IQCM: variants seen among roughly 807,000 people sequenced by gnomAD.
IQCM encodes the protein IQ motif containing M.
In IQCM, 45 loss-of-function variants were observed where a neutral mutation model predicts 57.6. The observed-to-expected ratio is 0.78, with a 90% CI of 0.62 to 1.00. The LOEUF (loss-of-function observed/expected upper bound fraction) is 1.00. Ranked by LOEUF, IQCM falls within the 50% of genes least tolerant of loss-of-function variation. The pLI is 0.00. For missense variants in IQCM, 468 were observed against 511.6 expected (o/e 0.91, Z 0.82); for synonymous variants, 148 against 158.9 (o/e 0.93, Z 0.51).
intron 5 of IQCM, among the ~76,000 whole-genome samples, chr4:149,726,203 C>T (rs1765930237): frequency 6.7e-6 from 1 of 148,162 alleles, no homozygotes; most frequent in Non-Finnish European, 1.5e-5. Flanking sequence ...TCACATTTTT[C>T]CAAATTTGAT....
At chr4:149,466,083 T>A (rs1460209760) in intron 12 of IQCM, among the ~76,000 whole-genome samples, 1 of 152,198 alleles carries the variant, frequency 6.6e-6, no homozygotes, top group Non-Finnish European at 1.5e-5. Flanking sequence ...TACATCTTTA[T>A]CACCATAACA....
chr4:149,803,854 T>C (rs1266979591), intron 2 of IQCM, among the ~76,000 whole-genome samples: 2 of 151,978 alleles, frequency 1.3e-5, no homozygotes, highest in Non-Finnish European at 2.9e-5. Context: ...TTTTCTGTTA[T>C]TGTATAAGGG....
At chr4:149,605,303 T>G (rs1158778679) in intron 8 of IQCM, among the ~76,000 whole-genome samples, 2 of 152,180 alleles carry the variant, frequency 1.3e-5, no homozygotes, top group Non-Finnish European at 2.9e-5. Context: ...CATTCAAAAA[T>G]ACACATTTAA....
At chr4:149,474,975 A>C (rs1321073239) in intron 12 of IQCM, among the ~76,000 whole-genome samples, 2 of 152,128 alleles carry the variant, frequency 1.3e-5, no homozygotes, top group Non-Finnish European at 2.9e-5. Context: ...CAGATAATGC[A>C]AGGGTTTAAC....
chr4:149,452,682 A>C (rs967034563), intron 12 of IQCM, among the ~76,000 whole-genome samples: 1 of 151,642 alleles, frequency 6.6e-6, no homozygotes, highest in African/African-American at 2.4e-5. Context: ...CACCATCATC[A>C]AGGCCATAAA....
intron 12 of IQCM, among the ~76,000 whole-genome samples, chr4:149,508,790 CA>C (rs1252717394): frequency 6.6e-6 from 1 of 152,036 alleles, no homozygotes; most frequent in Non-Finnish European, 1.5e-5. Flanking sequence ...TAGGCAGGGC[CA>C]GGGGTGGAAT....
chr4:149,613,894 T>C (rs1755543497), intron 8 of IQCM, among the ~76,000 whole-genome samples: 1 of 152,178 alleles, frequency 6.6e-6, no homozygotes, highest in Non-Finnish European at 1.5e-5. Flanking sequence ...ACAAAGGACA[T>C]GAACTCATCA....
chr4:149,636,518 G>T (rs1251935659), intron 7 of IQCM, among the ~76,000 whole-genome samples: 1 of 152,074 alleles, frequency 6.6e-6, no homozygotes, highest in Non-Finnish European at 1.5e-5. Context: ...ACCCAGAGAA[G>T]TCTATCTCCA....
At chr4:149,471,138 T>G (rs369201911) in intron 12 of IQCM, among the ~76,000 whole-genome samples, 1 of 151,888 alleles carries the variant, frequency 6.6e-6, no homozygotes, top group Non-Finnish European at 1.5e-5. Flanking sequence ...CTGAAGGAGA[T>G]AGAGACCCAA....
chr4:149,772,310 G>T (rs2149990296), intron 2 of IQCM, among the ~76,000 whole-genome samples: 1 of 152,110 alleles, frequency 6.6e-6, no homozygotes, highest in Admixed American at 6.5e-5. Flanking sequence ...CAATTAATAA[G>T]AAATGCTCAA....
intron 9 of IQCM, among the ~76,000 whole-genome samples, chr4:149,580,841 T>C (rs1282975718): frequency 6.6e-6 from 1 of 151,830 alleles, no homozygotes; most frequent in Non-Finnish European, 1.5e-5. Context: ...AAATTCATTA[T>C]AAAGCAGAGA....
intron 12 of IQCM, among the ~76,000 whole-genome samples, chr4:149,531,135 T>G (rs1327891839): frequency 6.6e-6 from 1 of 152,150 alleles, no homozygotes; most frequent in Non-Finnish European, 1.5e-5. Flanking sequence ...GTTATAACTG[T>G]GTCTACATGA....
At chr4:149,539,123 T>C (rs943318391) in intron 12 of IQCM, among the ~76,000 whole-genome samples, 3 of 152,068 alleles carry the variant, frequency 2.0e-5, no homozygotes, top group Admixed American at 6.6e-5. Flanking sequence ...CATAGTAACA[T>C]TATTCATAAC....
At chr4:149,786,565 C>G (rs1197133910) in intron 2 of IQCM, among the ~76,000 whole-genome samples, 2 of 152,038 alleles carry the variant, frequency 1.3e-5, no homozygotes, top group Non-Finnish European at 2.9e-5. Context: ...ATACAGCCAA[C>G]AAACATATGA....
intron 12 of IQCM, among the ~76,000 whole-genome samples, chr4:149,521,620 C>G (rs1175309593): frequency 6.6e-6 from 1 of 152,180 alleles, no homozygotes; most frequent in Non-Finnish European, 1.5e-5. Flanking sequence ...TTTGACCAAG[C>G]TTTCTCCAAA....
At chr4:149,712,430 C>A (rs1464873050) in intron 5 of IQCM, among the ~76,000 whole-genome samples, 1 of 152,060 alleles carries the variant, frequency 6.6e-6, no homozygotes, top group Non-Finnish European at 1.5e-5. Flanking sequence ...AGAAGTACCC[C>A]CTCCATGGTA....
intron 2 of IQCM, among the ~76,000 whole-genome samples, chr4:149,745,433 T>G (rs1767836587): frequency 6.6e-6 from 1 of 152,182 alleles, no homozygotes; most frequent in South Asian, 2.1e-4. Context: ...ATTTGTATAA[T>G]CAGTAATTAT....
intron 5 of IQCM, among the ~76,000 whole-genome samples, chr4:149,722,491 C>G (rs1409090411): frequency 1.3e-5 from 2 of 152,044 alleles, no homozygotes; most frequent in African/African-American, 4.8e-5. Flanking sequence ...GATCCAGTTT[C>G]ATTCTTCTAC....
intron 9 of IQCM, among the ~76,000 whole-genome samples, chr4:149,566,624 A>C (rs886800721): frequency 6.6e-6 from 1 of 152,172 alleles, no homozygotes; most frequent in African/African-American, 2.4e-5. Flanking sequence ...AATATGAGTG[A>C]TCAGAACTAT....
Sources: allele counts gnomAD v4.1 joint callset (sites outside exome capture counted in the v4.1 genomes callset), GRCh38; gene constraint gnomAD v4.1.1; transcripts MANE v1.5; gene names NCBI Gene and HGNC (gene_info 2026-07-23, HGNC 2026-07-21).